The following RGS7 variants were observed in gnomAD, a reference collection of about 807,000 sequenced individuals.
RGS7 encodes the protein regulator of G protein signaling 7.
A neutral mutation model predicts 81.1 loss-of-function variants in RGS7; 27 were observed. That is an observed-to-expected ratio of 0.33 (90% CI 0.25 to 0.46). The LOEUF is 0.46. Ranked by LOEUF, RGS7 falls within the 20% of genes least tolerant of loss-of-function variation. The pLI is 1.00. For missense variants in RGS7, 396 were observed against 607.4 expected (o/e 0.65, Z 3.66); for synonymous variants, 208 against 207.7 (o/e 1.00, Z -0.01).
intron 2 of RGS7, among the ~76,000 whole-genome samples, chr1:241,306,663 T>G (rs2080178224): frequency 6.8e-6 from 1 of 146,764 alleles, no homozygotes; most frequent in Non-Finnish European, 1.5e-5. Context: ...CACAAATACA[T>G]GTCCACCCAA....
chr1:241,325,157 G>C (rs982828455), intron 2 of RGS7, among the ~76,000 whole-genome samples: 14 of 152,280 alleles, frequency 9.2e-5, no homozygotes, highest in African/African-American at 3.1e-4. Context: ...TGTTGCTACG[G>C]GGGAAACCCA....
At chr1:240,918,368 A>G (rs1233615787) in intron 6 of RGS7, among the ~76,000 whole-genome samples, 1 of 152,194 alleles carries the variant, frequency 6.6e-6, no homozygotes, top group Non-Finnish European at 1.5e-5. Flanking sequence ...ACACACCTTA[A>G]AAATGTAAAA....
At chr1:240,796,141 C>T (rs1210050950) in intron 18 of RGS7, among the ~76,000 whole-genome samples, 1 of 152,084 alleles carries the variant, frequency 6.6e-6, no homozygotes, top group Non-Finnish European at 1.5e-5. Context: ...AGGTTTCAAA[C>T]CTAAATAGAA....
intron 9 of RGS7, among the ~76,000 whole-genome samples, chr1:240,851,162 G>A (rs926831568): frequency 4.6e-5 from 7 of 152,190 alleles, no homozygotes; most frequent in African/African-American, 1.2e-4. Context: ...TTCAAAGCTT[G>A]GAAGGACAGG....
intron 2 of RGS7, among the ~76,000 whole-genome samples, chr1:241,169,298 C>T (rs2070528887): frequency 6.7e-6 from 1 of 149,816 alleles, no homozygotes; most frequent in South Asian, 2.1e-4. Context: ...CCACAAATGC[C>T]TGTGAATGTG....
At chr1:241,088,156 A>C (rs1371995065) in intron 3 of RGS7, among the ~76,000 whole-genome samples, 1 of 151,584 alleles carries the variant, frequency 6.6e-6, no homozygotes, top group Non-Finnish European at 1.5e-5. Flanking sequence ...GAGGGAAAGC[A>C]TTTTAGATGG....
At chr1:241,048,301 T>C (rs2061056436) in intron 3 of RGS7, among the ~76,000 whole-genome samples, 1 of 152,004 alleles carries the variant, frequency 6.6e-6, no homozygotes, top group Non-Finnish European at 1.5e-5. Context: ...AATATAAAAG[T>C]AAGTTCAATA....
intron 2 of RGS7, among the ~76,000 whole-genome samples, chr1:241,119,209 A>G (rs1480379439): frequency 6.6e-6 from 1 of 152,212 alleles, no homozygotes; most frequent in Non-Finnish European, 1.5e-5. Context: ...TTCTCAAAAC[A>G]TATTTGGTAA....
intron 10 of RGS7, among the ~76,000 whole-genome samples, chr1:240,825,867 C>T (rs563883740): frequency 5.9e-5 from 9 of 152,282 alleles, no homozygotes; most frequent in Admixed American, 5.2e-4. Context: ...TCTTGTTAAT[C>T]CATATGCATT....
At chr1:241,004,492 G>A (rs886346330) in intron 3 of RGS7, among the ~76,000 whole-genome samples, 3 of 152,050 alleles carry the variant, frequency 2.0e-5, no homozygotes, top group African/African-American at 7.2e-5. Flanking sequence ...GCCCTCTGAA[G>A]GTTCATTGAA....
chr1:241,216,053 C>T (rs767888029), intron 2 of RGS7, among the ~76,000 whole-genome samples: 3 of 151,548 alleles, frequency 2.0e-5, no homozygotes, highest in South Asian at 2.1e-4. Flanking sequence ...AGGAAGATCA[C>T]GAGGTTAGGA....
chr1:241,157,821 C>CTTTTCT lies in RGS7; in HGVS notation c.79-59060_79-59059insAGAAAA, dbSNP rs1553271417. 4.4e-3 allele frequency among the ~76,000 whole-genome samples: 413 copies of CTTTTCT among 94,714 alleles called. 4 individuals are homozygous for CTTTTCT. The highest frequency in any genetic ancestry group is 0.014 in the African/African-American group (394 of 28,864). The allele number at this position is 94,714 out of a possible 152,430, so 62.1% of individuals were successfully genotyped here. The stretch of plus-strand genomic sequence containing the variant: ...AAACTTTTTTCTTTTCTTTTCTTTT[C>CTTTTCT]TTTTTTTTTTTTTTTGATACTGAGT... On this transcript the variant is annotated intron_variant, in intron 2 of 18. Transcript: ENST00000440928.
chr1:241,220,931 AAAGGAAGGAAGGAAGAAGCAAGGAAGG>A (rs2074858508), intron 2 of RGS7, among the ~76,000 whole-genome samples: 1 of 146,586 alleles, frequency 6.8e-6, no homozygotes, highest in South Asian at 2.2e-4. Flanking sequence ...AGAAAGGAAG[AAAGGAAGGAAGGAAGAAGCAAGGAAGG>A]AAGGAAGGAA....
intron 2 of RGS7, among the ~76,000 whole-genome samples, chr1:241,311,314 G>A (rs1029526778): frequency 1.3e-5 from 2 of 152,122 alleles, no homozygotes; most frequent in African/African-American, 2.4e-5. Flanking sequence ...TTTTATCTGT[G>A]CCACATAAAA....
chr1:241,066,897 G>C lies in RGS7; in HGVS notation c.175+31769C>G, dbSNP rs556504188. Among the ~76,000 whole-genome samples the C allele has an allele frequency of 2.6e-5, 4 of 152,326 alleles. No individual in the cohort carries two copies. In the South Asian group the frequency reaches 8.3e-4, roughly 32 times the overall value. On this transcript the variant is annotated intron_variant, in intron 3 of 18. Coordinates refer to ENST00000440928, the MANE Select transcript of RGS7 (RefSeq NM_001364886.1). ...GGTTGTCAAGAAGCCTCTGGGACCA[G>C]TGAAACAAATAATTAACTTATAGTG...
chr1:241,080,182 G>T (rs1279985224), intron 3 of RGS7, among the ~76,000 whole-genome samples: 2 of 151,420 alleles, frequency 1.3e-5, no homozygotes, highest in African/African-American at 4.9e-5. Flanking sequence ...AATAGATAAT[G>T]ATCTTAAATT....
intron 2 of RGS7, among the ~76,000 whole-genome samples, chr1:241,134,466 G>A (rs2067347263): frequency 6.6e-6 from 1 of 152,132 alleles, no homozygotes; most frequent in South Asian, 2.1e-4. Flanking sequence ...AATTATTATT[G>A]TATACTACAA....
At chr1:241,058,858 T>C (rs926155234) in intron 3 of RGS7, among the ~76,000 whole-genome samples, 17 of 152,206 alleles carry the variant, frequency 1.1e-4, no homozygotes, top group African/African-American at 4.1e-4. Context: ...GATTCAGGCA[T>C]TGACTGAATA....
intron 2 of RGS7, among the ~76,000 whole-genome samples, chr1:241,327,438 T>C (rs2081669295): frequency 6.6e-6 from 1 of 152,204 alleles, no homozygotes; most frequent in Non-Finnish European, 1.5e-5. Context: ...CCTTATTAAA[T>C]AATACATAAC....
Sources: allele counts gnomAD v4.1 joint callset (sites outside exome capture counted in the v4.1 genomes callset), GRCh38; gene constraint gnomAD v4.1.1; transcripts MANE v1.5; gene names NCBI Gene and HGNC (gene_info 2026-07-23, HGNC 2026-07-21).